CADM2: variants seen among roughly 807,000 people sequenced by gnomAD.
CADM2 encodes cell adhesion molecule 2.
CADM2 carries 12 observed loss-of-function variants against 49.8 expected under a neutral mutation model. The observed-to-expected ratio is 0.24, with a 90% CI of 0.15 to 0.39. CADM2 has a LOEUF of 0.39. CADM2 is among the 10% of genes least tolerant of loss of function. The pLI, the probability that CADM2 is intolerant of heterozygous loss-of-function variation, is 1.00. For synonymous variants in CADM2, 214 were observed against 175.4 expected (o/e 1.22, Z -1.74); for missense variants, 378 against 492.3 (o/e 0.77, Z 2.20).
In CADM2 at chr3:85,831,149, G is replaced by T. The variant is rs75444120; in HGVS notation, c.238+28953G>T. Among the ~76,000 whole-genome samples, 977 of 152,008 alleles carry T rather than the reference G, an allele frequency of 6.4e-3. 10 individuals carry two copies. The highest frequency in any genetic ancestry group is 0.026 in the South Asian group (125 of 4,818). The stretch of plus-strand genomic sequence containing the variant: ...GATAATGGTCTCCAGCTGCATCCAT[G>T]CTGCTGCAAAGGACACAGGTTGATT... On this transcript the variant is annotated intron_variant, in intron 3 of 9. Coordinates refer to ENST00000383699, the MANE Select transcript of CADM2 (RefSeq NM_001167675.2).
intron 1 of CADM2, among the ~76,000 whole-genome samples, chr3:85,529,787 G>A (rs1328695369): frequency 6.6e-6 from 1 of 151,866 alleles, no homozygotes; most frequent in Non-Finnish European, 1.5e-5. Flanking sequence ...TTCTACCTAT[G>A]ATACTCAGAT....
intron 1 of CADM2, among the ~76,000 whole-genome samples, chr3:85,114,235 T>A (rs917210000): frequency 6.6e-6 from 1 of 151,890 alleles, no homozygotes; most frequent in African/African-American, 2.4e-5. Context: ...GGGAAGTGAA[T>A]AATGGATAGG....
intron 1 of CADM2, among the ~76,000 whole-genome samples, chr3:85,083,182 A>G (rs951004681): frequency 1.3e-5 from 2 of 152,116 alleles, no homozygotes; most frequent in African/African-American, 4.8e-5. Flanking sequence ...CTGTCCTCTA[A>G]ATAAGAAAGC....
At chr3:85,974,264 T>C (rs1221625401) in intron 8 of CADM2, among the ~76,000 whole-genome samples, 2 of 151,568 alleles carry the variant, frequency 1.3e-5, no homozygotes, top group East Asian at 3.9e-4. Flanking sequence ...AGATAACAAA[T>C]GTGAAACAGG....
At chr3:85,066,265 G>T (rs1297528919) in intron 1 of CADM2, among the ~76,000 whole-genome samples, 1 of 151,604 alleles carries the variant, frequency 6.6e-6, no homozygotes, top group Admixed American at 6.6e-5. Context: ...AAATTTTCTT[G>T]GTTTTCTATT....
At chr3:85,730,259 T>C (rs1055408479) in intron 2 of CADM2, among the ~76,000 whole-genome samples, 3 of 151,938 alleles carry the variant, frequency 2.0e-5, no homozygotes, top group African/African-American at 2.4e-5. Context: ...CTGGCCAACA[T>C]GGTGAAACCC....
intron 3 of CADM2, among the ~76,000 whole-genome samples, chr3:85,831,701 C>T (rs1173179788): frequency 6.7e-6 from 1 of 149,656 alleles, no homozygotes; most frequent in African/African-American, 2.5e-5. Flanking sequence ...CTTGCAGAAT[C>T]GTTTAAGTTC....
Position 85,886,291 on chromosome 3 carries a change from G to A in CADM2, c.493G>A (p.Asp165Asn). The A allele has an allele frequency of 6.2e-7, 1 of 1,613,588 alleles. No homozygotes were observed. The highest frequency in any genetic ancestry group is 1.7e-5 in the Admixed American group (1 of 60,000). ...CKTSGSKPAA[D>N]IRWFKNDKEI... ...AACATCTGGTAGTAAACCTGCAGCTGATATAAGATGGTTCAAAAATGACAA... is the reference window on the plus strand; with the variant it reads ...AACATCTGGTAGTAAACCTGCAGCTAATATAAGATGGTTCAAAAATGACAA... Residue 165 changes from aspartate to asparagine, a missense_variant, in exon 5 of 10, where the codon GAT becomes AAT. Asp to Asn is a conservative substitution (Grantham distance 23). Transcript: ENST00000383699.
chr3:86,042,338 T>C (rs1186638153), intron 8 of CADM2, among the ~76,000 whole-genome samples: 19 of 151,946 alleles, frequency 1.3e-4, no homozygotes, highest in Non-Finnish European at 2.5e-4. Flanking sequence ...CTAGCAAGAC[T>C]AATAAAGAAG....
intron 1 of CADM2, among the ~76,000 whole-genome samples, chr3:84,966,331 A>C (rs1462500458): frequency 2.0e-5 from 3 of 152,088 alleles, no homozygotes; most frequent in African/African-American, 4.8e-5. Flanking sequence ...ATTATTTTTA[A>C]GACTGAAGAA....
At chr3:85,843,686 A>T (rs2074742771) in intron 3 of CADM2, among the ~76,000 whole-genome samples, 1 of 152,132 alleles carries the variant, frequency 6.6e-6, no homozygotes, top group Admixed American at 6.6e-5. Context: ...TATATGTAAG[A>T]TTATCATTAA....
chr3:85,988,047 C>A (rs1225077447), intron 8 of CADM2, among the ~76,000 whole-genome samples: 1 of 152,092 alleles, frequency 6.6e-6, no homozygotes, highest in African/African-American at 2.4e-5. Context: ...ATTATACCAA[C>A]TTTGGGATAG....
At chr3:85,404,567 A>T (rs2035280143) in intron 1 of CADM2, among the ~76,000 whole-genome samples, 1 of 152,124 alleles carries the variant, frequency 6.6e-6, no homozygotes, top group African/African-American at 2.4e-5. Flanking sequence ...GCTAGCTATT[A>T]ATTTCAGGAA....
intron 3 of CADM2, among the ~76,000 whole-genome samples, chr3:85,804,461 T>C (rs1228306269): frequency 6.6e-6 from 1 of 152,198 alleles, no homozygotes; most frequent in Non-Finnish European, 1.5e-5. Flanking sequence ...TATAAACTTT[T>C]ATAACATTAG....
intron 2 of CADM2, among the ~76,000 whole-genome samples, chr3:85,740,339 A>G (rs1486470479): frequency 6.6e-6 from 1 of 152,134 alleles, no homozygotes; most frequent in Non-Finnish European, 1.5e-5. Flanking sequence ...ACTTGGTCCA[A>G]CAGCTTCAGT....
chr3:85,454,315 A>G (rs1433190089), intron 1 of CADM2, among the ~76,000 whole-genome samples: 1 of 152,064 alleles, frequency 6.6e-6, no homozygotes, highest in Admixed American at 6.6e-5. Flanking sequence ...TGGGCAACAG[A>G]GTGAGACTCA....
chr3:85,749,800 A>G (rs10514735), intron 2 of CADM2, among the ~76,000 whole-genome samples: 5,809 of 152,096 alleles, frequency 0.038, 242 homozygotes, highest in East Asian at 0.19. Flanking sequence ...TTTATTTTCA[A>G]GTGCTAACAT....
intron 1 of CADM2, among the ~76,000 whole-genome samples, chr3:85,699,582 G>T (rs1189046543): frequency 6.6e-6 from 1 of 152,230 alleles, no homozygotes; most frequent in Non-Finnish European, 1.5e-5. Flanking sequence ...TGAGGCAGTG[G>T]CCTGAGCTTT....
chr3:85,310,387 C>T (rs1185663012), intron 1 of CADM2, among the ~76,000 whole-genome samples: 1 of 152,084 alleles, frequency 6.6e-6, no homozygotes, highest in East Asian at 1.9e-4. Flanking sequence ...GACTGTTGTT[C>T]GGTTTGAACA....
Sources: gnomAD v4.1 joint callset for allele counts (sites outside exome capture counted in the v4.1 genomes callset) on GRCh38, gnomAD v4.1.1 for gene constraint, MANE v1.5 for transcripts, NCBI Gene and HGNC (gene_info 2026-07-23, HGNC 2026-07-21) for gene names.